The following DCK variants were observed in gnomAD, a reference collection of about 807,000 sequenced individuals.
DCK encodes deoxyadenosine kinase.
DCK carries 23 observed loss-of-function variants against 38.3 expected under a neutral mutation model. The observed-to-expected ratio is 0.60, with a 90% CI of 0.43 to 0.85. The LOEUF (loss-of-function observed/expected upper bound fraction) is 0.85. Ranked by LOEUF, DCK falls within the 40% of genes least tolerant of loss-of-function variation. The pLI is 0.00. For synonymous variants in DCK, 108 were observed against 100.6 expected, an observed-to-expected ratio of 1.07 and a Z score of -0.44; for missense variants, 259 against 304.4, an observed-to-expected ratio of 0.85 and a Z score of 1.11.
chr4:71,022,282 A>T, intron 2 of DCK, 85 bp from the exon 3 acceptor site: 1 of 707,140 alleles, frequency 1.4e-6, no homozygotes, highest in Non-Finnish European at 2.3e-6. Flanking sequence ...TATTTATCTG[A>T]CTTTTATTTT....
chr4:71,017,976 C>T (rs1382088355), intron 2 of DCK, among the ~76,000 whole-genome samples: 3 of 151,990 alleles, frequency 2.0e-5, no homozygotes, highest in African/African-American at 7.2e-5. Context: ...TAAAAATTTA[C>T]TGTAAATGAT....
At chr4:71,021,266 G>A (rs557597978) in intron 2 of DCK, among the ~76,000 whole-genome samples, 103 of 151,106 alleles carry the variant, frequency 6.8e-4, no homozygotes, top group African/African-American at 2.3e-3. Flanking sequence ...TAGTAGAGAC[G>A]GGGTTTCACC....
chr4:71,004,284 G>A (rs1031792846), intron 2 of DCK, among the ~76,000 whole-genome samples: 1 of 152,210 alleles, frequency 6.6e-6, no homozygotes, highest in Non-Finnish European at 1.5e-5. Flanking sequence ...TATCACCAGC[G>A]GAGGCTGCAG....
intron 2 of DCK, among the ~76,000 whole-genome samples, chr4:71,005,136 G>A (rs1739907917): frequency 6.6e-6 from 1 of 152,194 alleles, no homozygotes; most frequent in Non-Finnish European, 1.5e-5. Flanking sequence ...CTCCTGGTCT[G>A]CGGGTTGTGA....
intron 1 of DCK, among the ~76,000 whole-genome samples, chr4:70,996,682 A>G (rs1327867317): frequency 1.3e-5 from 2 of 152,040 alleles, no homozygotes; most frequent in Admixed American, 6.6e-5. Flanking sequence ...CAATTCCTCT[A>G]TTTTTCCTAG....
chr4:71,013,989 CAA>C, intron 2 of DCK, among the ~76,000 whole-genome samples: 1 of 151,406 alleles, frequency 6.6e-6, no homozygotes. Context: ...GATAAAGACT[CAA>C]GACCCATCAG....
At chr4:71,017,074 A>G (rs1287320401) in intron 2 of DCK, among the ~76,000 whole-genome samples, 2 of 152,242 alleles carry the variant, frequency 1.3e-5, no homozygotes, top group Non-Finnish European at 2.9e-5. Context: ...AATGAACTCA[A>G]ACAAATTTAC....
Position 70,998,001 on chromosome 4 carries a change from A to G in DCK, c.92-66A>G, listed in dbSNP as rs563551340. On this transcript the variant is annotated intron_variant, in intron 1 of 6. Coordinates refer to ENST00000286648, the MANE Select transcript of DCK (RefSeq NM_000788.3). Reference sequence around the variant, plus strand: ...GCTATTGTAAATCTTGCAAAAGCTAATGACTACTTGACATCTTTTTTTCCT... The same window carrying G: ...GCTATTGTAAATCTTGCAAAAGCTAGTGACTACTTGACATCTTTTTTTCCT... 4.4e-6 allele frequency: 3 copies of G among 682,302 alleles called. No individual in the cohort carries two copies. In the East Asian group the frequency reaches 8.7e-5, roughly 20 times the overall value. 42.3% of individuals were successfully genotyped at this position (682,302 alleles called of 1,614,324 possible).
intron 2 of DCK, among the ~76,000 whole-genome samples, chr4:71,021,322 G>T (rs1295710233): frequency 1.3e-5 from 2 of 151,920 alleles, no homozygotes; most frequent in Non-Finnish European, 2.9e-5. Context: ...TGATCCACCC[G>T]CCTCGGCCTC....
At chr4:70,999,245 C>A (rs1739730503) in intron 2 of DCK, among the ~76,000 whole-genome samples, 1 of 152,096 alleles carries the variant, frequency 6.6e-6, no homozygotes, top group African/African-American at 2.4e-5. Flanking sequence ...TGTTCAACTC[C>A]CACTTACAAG....
chr4:70,995,614 A>G (rs1739643529), intron 1 of DCK, among the ~76,000 whole-genome samples: 1 of 151,734 alleles, frequency 6.6e-6, no homozygotes, highest in African/African-American at 2.4e-5. Flanking sequence ...TGAATGAATA[A>G]CCCCTCGGAT....
At chr4:71,017,805 G>A (rs1025778438) in intron 2 of DCK, among the ~76,000 whole-genome samples, 22 of 150,266 alleles carry the variant, frequency 1.5e-4, no homozygotes, top group Non-Finnish European at 3.0e-4. Context: ...GGGAGGGATA[G>A]CATTAGGAGA....
At chr4:71,002,736 C>T (rs1364655711) in intron 2 of DCK, among the ~76,000 whole-genome samples, 1 of 151,896 alleles carries the variant, frequency 6.6e-6, no homozygotes, top group Non-Finnish European at 1.5e-5. Context: ...TTTTTTCATG[C>T]TTATTGATTT....
rs1322106910 is a variant in DCK, at chr4:71,030,744, AAATT to A, written c.*1368_*1371del. ...ATTAAAATTTATTCTACTTTTAAATAAATTATGAATATTAAAGGTGAAAATTGTA... is the reference window on the plus strand; with the variant it reads ...ATTAAAATTTATTCTACTTTTAAATAATGAATATTAAAGGTGAAAATTGTA... On this transcript the variant is annotated 3_prime_UTR_variant, in exon 7 of 7. Transcript: ENST00000286648. The A allele has an allele frequency of 6.6e-6, 1 of 152,184 alleles. No individual in the cohort carries two copies. Among genetic ancestry groups the A allele is most frequent in the Non-Finnish European group, 1.5e-5 (1 of 68,006 alleles). The allele number at this position is 152,184 out of a possible 1,614,324, so 9.4% of individuals were successfully genotyped here. A position where few individuals can be genotyped will look rare whatever the true frequency, so the allele number is the denominator to read the frequency against.
intron 1 of DCK, among the ~76,000 whole-genome samples, chr4:70,995,925 T>A (rs1211385403): frequency 6.6e-6 from 1 of 151,396 alleles, no homozygotes; most frequent in Non-Finnish European, 1.5e-5. Context: ...AAAAAAAATT[T>A]TACTGGCCAG....
chr4:70,998,401 TCA>T (rs1389087794), intron 2 of DCK, among the ~76,000 whole-genome samples: 2 of 152,086 alleles, frequency 1.3e-5, no homozygotes, highest in Non-Finnish European at 2.9e-5. Context: ...TAGAAAATAT[TCA>T]GAAAGAAATA....
intron 2 of DCK, among the ~76,000 whole-genome samples, chr4:71,000,104 A>G (rs932968521): frequency 5.3e-5 from 8 of 152,168 alleles, no homozygotes; most frequent in African/African-American, 7.2e-5. Flanking sequence ...GCTCATGCCT[A>G]TGTCCTGAAT....
intron 6 of DCK, 124 bp from the exon 7 acceptor site, chr4:71,029,228 C>A: frequency 1.8e-6 from 1 of 549,168 alleles, no homozygotes; most frequent in South Asian, 3.4e-5. Context: ...AATGCAATGG[C>A]ATTGTGGTAG....
At chr4:70,998,034 T>C (rs1330719289) in intron 1 of DCK, 33 bp from the exon 2 acceptor site, 7 of 1,197,096 alleles carry the variant, frequency 5.8e-6, no homozygotes, top group African/African-American at 3.1e-5. Context: ...CCTGACAACT[T>C]TTCTTCCTCA....
Sources: gnomAD v4.1 joint callset for allele counts (sites outside exome capture counted in the v4.1 genomes callset) on GRCh38, gnomAD v4.1.1 for gene constraint, MANE v1.5 for transcripts, NCBI Gene and HGNC (gene_info 2026-07-23, HGNC 2026-07-21) for gene names.